TBC1D9: variants seen among roughly 807,000 people sequenced by gnomAD.
TBC1D9 encodes TBC1 domain family member 9.
In TBC1D9, 63 loss-of-function variants were observed where a neutral mutation model predicts 132.0. That is an observed-to-expected ratio of 0.48 (90% CI 0.39 to 0.59). The LOEUF is 0.59. Among genes scored for constraint, TBC1D9 ranks in the 20% least tolerant of loss-of-function variants. The probability of loss-of-function intolerance (pLI) is 0.00; values close to 1 mark genes in which losing one functional copy is unlikely to be tolerated. For missense variants in TBC1D9, 1,261 were observed against 1,592.7 expected (o/e 0.79, Z 3.54); for synonymous variants, 610 against 609.9 (o/e 1.00, Z 0.00).
At chr4:140,662,131 G>A (rs1422312664) in intron 9 of TBC1D9, 24 bp from the exon 10 acceptor site, 1 of 1,590,684 alleles carries the variant, frequency 6.3e-7, no homozygotes, top group East Asian at 2.2e-5. Flanking sequence ...AACAGATACA[G>A]TATCAAAAAC....
At chr4:140,702,460 A>C (rs1455481433) in intron 1 of TBC1D9, among the ~76,000 whole-genome samples, 1 of 152,266 alleles carries the variant, frequency 6.6e-6, no homozygotes, top group Non-Finnish European at 1.5e-5. Flanking sequence ...CTTAGTGAGC[A>C]AAGGTGGAAG....
At chr4:140,745,564 T>C (rs549308555) in intron 1 of TBC1D9, among the ~76,000 whole-genome samples, 4 of 152,314 alleles carry the variant, frequency 2.6e-5, no homozygotes, top group African/African-American at 9.6e-5. Flanking sequence ...AAATATACTT[T>C]CTTTTCCTTA....
At chr4:140,674,684 T>C (rs1402948228) in intron 6 of TBC1D9, among the ~76,000 whole-genome samples, 1 of 146,792 alleles carries the variant, frequency 6.8e-6, no homozygotes, top group Non-Finnish European at 1.5e-5. Context: ...AGAATATATA[T>C]ATATATATTT....
intron 1 of TBC1D9, among the ~76,000 whole-genome samples, chr4:140,732,693 T>G (rs1408317741): frequency 1.3e-5 from 2 of 152,158 alleles, no homozygotes; most frequent in African/African-American, 2.4e-5. Flanking sequence ...CAGCTGTCTG[T>G]ACCAAGGAAC....
intron 2 of TBC1D9, among the ~76,000 whole-genome samples, chr4:140,697,086 T>C (rs906548607): frequency 1.3e-5 from 2 of 152,064 alleles, no homozygotes; most frequent in African/African-American, 4.8e-5. Flanking sequence ...GAAAGAACAA[T>C]TAATAGGTGG....
intron 1 of TBC1D9, among the ~76,000 whole-genome samples, chr4:140,711,301 C>T (rs1003642140): frequency 1.3e-5 from 2 of 152,112 alleles, no homozygotes; most frequent in Non-Finnish European, 2.9e-5. Flanking sequence ...ACTCAAAGGT[C>T]AAGGTCAGCC....
chr4:140,710,770 T>C (rs567262017), intron 1 of TBC1D9, among the ~76,000 whole-genome samples: 6 of 150,472 alleles, frequency 4.0e-5, no homozygotes, highest in Middle Eastern at 6.8e-3. Flanking sequence ...ATTCAAATAC[T>C]TTATTACTGC....
chr4:140,718,298 A>G (rs938235148), intron 1 of TBC1D9, among the ~76,000 whole-genome samples: 6 of 150,226 alleles, frequency 4.0e-5, no homozygotes, highest in African/African-American at 1.5e-4. Flanking sequence ...GAGGTGACTC[A>G]CAGGACATTT....
intron 1 of TBC1D9, among the ~76,000 whole-genome samples, chr4:140,728,852 C>T (rs966779425): frequency 6.6e-5 from 10 of 152,024 alleles, no homozygotes; most frequent in South Asian, 2.1e-4. Context: ...TTAGTAGAGA[C>T]GGTGTTTCAC....
intron 1 of TBC1D9, among the ~76,000 whole-genome samples, chr4:140,741,573 C>T (rs569441838): frequency 7.9e-5 from 12 of 152,086 alleles, no homozygotes; most frequent in South Asian, 4.1e-4. Flanking sequence ...CAAAAATTAG[C>T]TAGGTGTAGT....
intron 13 of TBC1D9, chr4:140,643,551 A>G (rs1737045929): frequency 9.1e-6 from 8 of 878,012 alleles, no homozygotes. Context: ...ACAGTCTGAC[A>G]TTTCTAGGCT....
chr4:140,738,626 C>T lies in TBC1D9; in HGVS notation c.130+17290G>A, dbSNP rs567842837. Among the ~76,000 whole-genome samples the T allele has an allele frequency of 2.0e-5, 3 of 152,314 alleles. No individual in the cohort carries two copies. In the East Asian group the frequency reaches 5.8e-4, roughly 29 times the overall value. ...TCTAAATTGAGATCTGTTTTAGACA[C>T]TTTTTGGCTTACAAAACTTTTTGAG... On this transcript the variant is annotated intron_variant, in intron 1 of 20. Transcript: ENST00000442267.
At position 140,634,164 on chromosome 4, in the gene TBC1D9, A is replaced by C; in HGVS notation, c.2530T>G (p.Trp844Gly). ...TCCAGCGCGTTGCTGCTCCCGCCCC[A>C]GTAGCAGCTGGTGAGATGTTCTGCC... The part of the protein sequence containing the change: ...FKAEHLTSCY[W>G]GGSSNALDRH... Residue 844 changes from tryptophan to glycine, a missense_variant, in exon 16 of 21, where the codon TGG becomes GGG. Physicochemically the swap from Trp to Gly is radical, Grantham distance 184. Transcript: ENST00000442267. The C allele has an allele frequency of 6.2e-7, 1 of 1,613,590 alleles. No homozygotes were observed. Among genetic ancestry groups the C allele is most frequent in the Non-Finnish European group, 8.5e-7 (1 of 1,179,882 alleles).
rs1273425661 is a variant in TBC1D9, at chr4:140,713,135, A to G, written c.131-11521T>C. Among the ~76,000 whole-genome samples, 3 of 152,252 alleles carry G rather than the reference A, an allele frequency of 2.0e-5. No homozygotes were observed. The East Asian group carries it at 5.8e-4, about 29-fold the overall frequency. ...ATTTTTTTATAGAAATGGGGGTCTC[A>G]TTACGTTGCCCAGGCTGGTCTACAA... On this transcript the variant is annotated intron_variant, in intron 1 of 20. Coordinates refer to ENST00000442267, the MANE Select transcript of TBC1D9 (RefSeq NM_015130.3).
chr4:140,683,503 A>G (rs940960851), intron 3 of TBC1D9, among the ~76,000 whole-genome samples: 3 of 152,212 alleles, frequency 2.0e-5, no homozygotes, highest in African/African-American at 7.2e-5. Context: ...CATAATATAA[A>G]ATAGGTCATT....
rs2111024862 is a variant in TBC1D9, at chr4:140,686,422, A to G, written c.282T>C (p.Leu94=). ...RKEITEHWEW[L]EQNLLQTLSI... ...AGAGTGTCTGCAAGAGATTTTGCTC[A>G]AGCCATTCCCAGTGTTCAGTGATTT... Residue 94 remains leucine (L), a synonymous_variant, in exon 3 of 21, where the codon CTT becomes CTC. Coordinates refer to ENST00000442267, the MANE Select transcript of TBC1D9 (RefSeq NM_015130.3). 1.2e-6 allele frequency: 2 copies of G among 1,612,566 alleles called. No homozygotes were observed. Among genetic ancestry groups the G allele is most frequent in the East Asian group, 4.5e-5 (2 of 44,836 alleles).
At chr4:140,690,730 G>C (rs1737864574) in intron 2 of TBC1D9, among the ~76,000 whole-genome samples, 1 of 152,114 alleles carries the variant, frequency 6.6e-6, no homozygotes. Flanking sequence ...AAGAGTTTCA[G>C]AAGACTGGAT....
chr4:140,638,944 A>ATACTCTTAACTGAG, intron 15 of TBC1D9, 142 bp downstream of exon 15: 1 of 579,152 alleles, frequency 1.7e-6, no homozygotes, highest in East Asian at 2.9e-5. Context: ...TTTTCATATT[A>ATACTCTTAACTGAG]AGTACTACAG....
chr4:140,640,447 TG>T (rs55770281), intron 13 of TBC1D9, among the ~76,000 whole-genome samples: 75,242 of 107,870 alleles, frequency 0.7, 22,775 homozygotes, highest in African/African-American at 0.73. Context: ...GGTGGTGGGG[TG>T]GGGGGGGGAG....
Sources: gnomAD v4.1 joint callset for allele counts (sites outside exome capture counted in the v4.1 genomes callset) on GRCh38, gnomAD v4.1.1 for gene constraint, MANE v1.5 for transcripts, NCBI Gene and HGNC (gene_info 2026-07-23, HGNC 2026-07-21) for gene names.